Variants in COL4A3 observed in about 807,000 individuals in gnomAD.
The protein encoded by COL4A3 is collagen alpha-3(IV) chain.
In COL4A3, 135 loss-of-function variants were observed where a neutral mutation model predicts 217.4. The observed-to-expected ratio is 0.62, with a 90% CI of 0.54 to 0.72. The LOEUF is 0.72. Ranked by LOEUF, COL4A3 falls within the 30% of genes least tolerant of loss-of-function variation. The probability of loss-of-function intolerance (pLI) is 0.00; values close to 1 mark genes in which losing one functional copy is unlikely to be tolerated. For synonymous variants in COL4A3, 690 were observed against 736.3 expected, an observed-to-expected ratio of 0.94 and a Z score of 1.02; for missense variants, 1,868 against 2,119.9, an observed-to-expected ratio of 0.88 and a Z score of 2.33.
chr2:227,189,821 C>A (rs2066164010), intron 1 of COL4A3, among the ~76,000 whole-genome samples: 1 of 152,184 alleles, frequency 6.6e-6, no homozygotes, highest in Non-Finnish European at 1.5e-5. Flanking sequence ...GTTTCCTTCA[C>A]CCCTTGTCTT....
At chr2:227,303,607 A>C (rs979761392) in intron 44 of COL4A3, among the ~76,000 whole-genome samples, 1 of 152,228 alleles carries the variant, frequency 6.6e-6, no homozygotes, top group Non-Finnish European at 1.5e-5. Context: ...CTTCAATGTT[A>C]AAATACAAGT....
Position 227,273,060 on chromosome 2 carries a change from C to T in COL4A3, c.1870C>T (p.Pro624Ser). 3 of 1,614,102 alleles carry T rather than the reference C, an allele frequency of 1.9e-6. No homozygotes were observed. Among genetic ancestry groups the T allele is most frequent in the Non-Finnish European group, 2.5e-6 (3 of 1,180,020 alleles). The change falls in exon 26 of 52, where the codon CCT (proline) becomes TCT (serine). Residue 624 changes from proline to serine, a missense_variant. Coordinates refer to ENST00000396578, the MANE Select transcript of COL4A3 (RefSeq NM_000091.5). ...GPPGYGPQGEPGLQGTQGVPG... is the reference protein window; with the variant it reads ...GPPGYGPQGESGLQGTQGVPG... The stretch of plus-strand genomic sequence containing the variant: ...ACCTGGCTACGGACCCCAAGGAGAA[C>T]CTGGTCTCCAGGGCACGCAAGGAGT...
At chr2:227,180,447 C>T (rs1416086126) in intron 1 of COL4A3, among the ~76,000 whole-genome samples, 4 of 152,166 alleles carry the variant, frequency 2.6e-5, no homozygotes, top group Admixed American at 1.3e-4. Flanking sequence ...CTTTCAGAGA[C>T]GGAACATTCA....
intron 1 of COL4A3, among the ~76,000 whole-genome samples, chr2:227,232,967 T>C (rs535251971): frequency 3.3e-5 from 5 of 152,318 alleles, no homozygotes; most frequent in East Asian, 3.9e-4. Context: ...AAGGACTCTA[T>C]AGTCAGATTG....
At chr2:227,260,990 A>G (rs2070520814) in intron 19 of COL4A3, 92 bp from the exon 20 acceptor site, 1 of 992,742 alleles carries the variant, frequency 1.0e-6, no homozygotes, top group Non-Finnish European at 1.6e-6. Context: ...CTGTATTATT[A>G]ACTATCAGTA....
chr2:227,180,140 G>A (rs907104578), intron 1 of COL4A3, among the ~76,000 whole-genome samples: 2 of 152,196 alleles, frequency 1.3e-5, no homozygotes, highest in Admixed American at 6.5e-5. Context: ...ATTAGTAGCA[G>A]TGCTTCAAGG....
intron 15 of COL4A3, among the ~76,000 whole-genome samples, chr2:227,255,486 T>C (rs886403124): frequency 6.6e-6 from 1 of 152,262 alleles, no homozygotes; most frequent in Non-Finnish European, 1.5e-5. Flanking sequence ...TGAGAAAAAA[T>C]ATTCAATGAA....
At chr2:227,245,721 G>A (rs2069294987) in intron 5 of COL4A3, 2 of 576,578 alleles carry the variant, frequency 3.5e-6, no homozygotes, top group South Asian at 2.0e-5. Flanking sequence ...TGGATAAAAG[G>A]CGTTTGCTTT....
chr2:227,175,524 A>T (rs563805911), intron 1 of COL4A3, among the ~76,000 whole-genome samples: 41 of 152,220 alleles, frequency 2.7e-4, no homozygotes, highest in Non-Finnish European at 5.6e-4. Context: ...ATAAAGAAAT[A>T]ACATGAAATT....
intron 25 of COL4A3, among the ~76,000 whole-genome samples, chr2:227,272,732 G>A (rs2071316156): frequency 2.0e-5 from 3 of 152,226 alleles, no homozygotes; most frequent in Admixed American, 2.0e-4. Context: ...ACTCAAGACA[G>A]TTCCAAGTTC....
intron 51 of COL4A3, among the ~76,000 whole-genome samples, chr2:227,311,533 C>A (rs547485356): frequency 6.6e-6 from 1 of 152,076 alleles, no homozygotes; most frequent in African/African-American, 2.4e-5. Context: ...GCGTATGCCA[C>A]GACACCCATC....
intron 2 of COL4A3, 79 bp from the exon 3 acceptor site, chr2:227,240,064 G>A (rs866987711): frequency 8.5e-7 from 1 of 1,176,224 alleles, no homozygotes; most frequent in Non-Finnish European, 1.2e-6. Context: ...ATAAACAAGA[G>A]AACATAATGG....
At chr2:227,290,708 G>A (rs779777609) in intron 36 of COL4A3, 39 bp from the exon 37 acceptor site, 4 of 1,604,706 alleles carry the variant, frequency 2.5e-6, no homozygotes, top group Non-Finnish European at 3.4e-6. Context: ...AGATCCTCAT[G>A]TTTATCTATT....
intron 1 of COL4A3, among the ~76,000 whole-genome samples, chr2:227,236,017 G>GC (rs112951009): frequency 0.3 from 46,128 of 151,782 alleles, 7,394 homozygotes; most frequent in Non-Finnish European, 0.34. Context: ...CAGGTGATCC[G>GC]CCCCCCTGGG....
intron 9 of COL4A3, 44 bp downstream of exon 9, chr2:227,248,564 C>T: frequency 2.8e-6 from 3 of 1,066,754 alleles, no homozygotes; most frequent in Non-Finnish European, 2.8e-6. Flanking sequence ...CAGTTTTTCA[C>T]TCTCTCTCTC....
chr2:227,193,752 GGAAGGAA>G (rs774550036), intron 1 of COL4A3, among the ~76,000 whole-genome samples: 8,193 of 18,820 alleles, frequency 0.44, 1,715 homozygotes, highest in South Asian at 0.55. Context: ...AGGGAGGGAA[GGAAGGAA>G]GGAAGGAAGG....
At chr2:227,290,964 G>C in intron 37 of COL4A3, 78 bp downstream of exon 37, 8 of 1,495,754 alleles carry the variant, frequency 5.3e-6, no homozygotes, top group Non-Finnish European at 7.3e-6. Context: ...ACCCAGATTC[G>C]GTGTGGGCAG....
intron 3 of COL4A3, among the ~76,000 whole-genome samples, chr2:227,242,241 T>C (rs577343130): frequency 6.6e-6 from 1 of 152,290 alleles, no homozygotes; most frequent in East Asian, 1.9e-4. Context: ...GATAATTTGC[T>C]AAAGAGTCTC....
At chr2:227,241,536 T>C (rs965133259) in intron 3 of COL4A3, among the ~76,000 whole-genome samples, 13 of 151,900 alleles carry the variant, frequency 8.6e-5, no homozygotes, top group African/African-American at 3.1e-4. Flanking sequence ...TAGCCAGGTG[T>C]GGTGGCATAT....
Sources: allele counts gnomAD v4.1 joint callset (sites outside exome capture counted in the v4.1 genomes callset), GRCh38; gene constraint gnomAD v4.1.1; transcripts MANE v1.5; gene names NCBI Gene and HGNC (gene_info 2026-07-23, HGNC 2026-07-21).